Variants in MBOAT1 observed in about 807,000 individuals in gnomAD.
MBOAT1 encodes the protein membrane bound glycerophospholipid O-acyltransferase 1.
Under a neutral mutation model 64.4 loss-of-function variants are expected in MBOAT1, and 67 were observed. That is an observed-to-expected ratio of 1.04 (90% CI 0.85 to 1.27). The LOEUF is 1.27. Ranked by LOEUF, MBOAT1 falls within the 50% of genes most tolerant of loss-of-function variation. The pLI is 0.00. For synonymous variants in MBOAT1, 229 were observed against 218.9 expected, an observed-to-expected ratio of 1.05 and a Z score of -0.41; for missense variants, 563 against 604.6, an observed-to-expected ratio of 0.93 and a Z score of 0.72.
At chr6:20,124,934 A>G (rs917000463) in intron 7 of MBOAT1, among the ~76,000 whole-genome samples, 3 of 152,224 alleles carry the variant, frequency 2.0e-5, no homozygotes, top group African/African-American at 7.2e-5. Flanking sequence ...GTTTCCATCA[A>G]GAAAAACAAA....
chr6:20,166,911 C>T (rs1034228132), intron 1 of MBOAT1, among the ~76,000 whole-genome samples: 6 of 151,166 alleles, frequency 4.0e-5, no homozygotes, highest in African/African-American at 1.5e-4. Flanking sequence ...TGCACTCCAG[C>T]CTGGGTGACA....
chr6:20,164,136 T>C (rs376136426), intron 1 of MBOAT1, among the ~76,000 whole-genome samples: 1 of 150,366 alleles, frequency 6.7e-6, no homozygotes, highest in African/African-American at 2.4e-5. Flanking sequence ...CTATATATAA[T>C]ACAAATATAT....
intron 1 of MBOAT1, among the ~76,000 whole-genome samples, chr6:20,191,497 C>T (rs773325711): frequency 2.0e-5 from 3 of 152,224 alleles, no homozygotes; most frequent in Non-Finnish European, 2.9e-5. Flanking sequence ...CACTTTCCTT[C>T]GGCTACACCT....
intron 8 of MBOAT1, among the ~76,000 whole-genome samples, chr6:20,123,498 G>A (rs1470711648): frequency 2.6e-5 from 4 of 151,876 alleles, no homozygotes; most frequent in East Asian, 3.9e-4. Flanking sequence ...TGCAACTGCA[G>A]TCTAAAATTG....
intron 1 of MBOAT1, among the ~76,000 whole-genome samples, chr6:20,160,855 T>C (rs1454422992): frequency 1.3e-5 from 2 of 152,238 alleles, no homozygotes; most frequent in Non-Finnish European, 2.9e-5. Flanking sequence ...CCTCAGAATG[T>C]CAGCAGGAAG....
At chr6:20,127,864 C>A (rs916365315) in intron 6 of MBOAT1, among the ~76,000 whole-genome samples, 1 of 152,162 alleles carries the variant, frequency 6.6e-6, no homozygotes, top group African/African-American at 2.4e-5. Context: ...GAAAAACTGT[C>A]TTCCACTAAA....
intron 4 of MBOAT1, among the ~76,000 whole-genome samples, chr6:20,133,597 G>A (rs1760895528): frequency 6.6e-6 from 1 of 152,102 alleles, no homozygotes; most frequent in African/African-American, 2.4e-5. Context: ...CTAGGAACCA[G>A]CCTTCCTTAT....
At position 20,169,932 on chromosome 6, in the gene MBOAT1, A is replaced by T. The variant is rs189519937; in HGVS notation, c.100-17163T>A. On this transcript the variant is annotated intron_variant, in intron 1 of 12. Coordinates refer to ENST00000324607, the MANE Select transcript of MBOAT1 (RefSeq NM_001080480.3). ...CACAACTACTCCAGCCAAGTCATCG[A>T]CTATCTCCTTTCTTGCAAAGCCAAT... Among the ~76,000 whole-genome samples the T allele has an allele frequency of 3.3e-5, 5 of 152,292 alleles. No homozygotes were observed. In the East Asian group the frequency reaches 9.7e-4, roughly 29 times the overall value.
intron 1 of MBOAT1, among the ~76,000 whole-genome samples, chr6:20,186,407 C>T (rs942050165): frequency 1.3e-5 from 2 of 152,192 alleles, no homozygotes; most frequent in East Asian, 3.8e-4. Context: ...ACTTAAAAAC[C>T]CATGTGCCCT....
At chr6:20,109,057 G>T (rs1469219202) in intron 12 of MBOAT1, among the ~76,000 whole-genome samples, 1 of 152,188 alleles carries the variant, frequency 6.6e-6, no homozygotes, top group African/African-American at 2.4e-5. Context: ...AGGTTGGTCT[G>T]TGGTGCGAGC....
At chr6:20,110,028 G>A (rs1337172488) in intron 11 of MBOAT1, among the ~76,000 whole-genome samples, 2 of 148,380 alleles carry the variant, frequency 1.3e-5, no homozygotes, top group East Asian at 4.1e-4. Flanking sequence ...TCCTGCCTCA[G>A]CCTCCCAAGT....
chr6:20,122,217 T>C (rs548458031), intron 8 of MBOAT1, among the ~76,000 whole-genome samples: 251 of 152,256 alleles, frequency 1.6e-3, no homozygotes, highest in Non-Finnish European at 3.0e-3. Context: ...GTGATGTAAG[T>C]AGGCTTCCAA....
intron 1 of MBOAT1, among the ~76,000 whole-genome samples, chr6:20,172,894 G>A (rs919359332): frequency 1.3e-5 from 2 of 152,088 alleles, no homozygotes; most frequent in African/African-American, 4.8e-5. Context: ...GTAATCCCCA[G>A]TGTTGGAGGT....
chr6:20,165,762 AG>A (rs1762000514), intron 1 of MBOAT1, among the ~76,000 whole-genome samples: 3 of 151,176 alleles, frequency 2.0e-5, no homozygotes, highest in Non-Finnish European at 4.4e-5. Context: ...AAAAAAGAAT[AG>A]GGAAACCAGT....
At chr6:20,150,544 A>ATTTTCT (rs1392292658) in intron 3 of MBOAT1, among the ~76,000 whole-genome samples, 2 of 138,420 alleles carry the variant, frequency 1.4e-5, no homozygotes, top group Non-Finnish European at 3.1e-5. Context: ...ATCTTTCATT[A>ATTTTCT]TTTTCTTTTT....
rs889961423 is a variant in MBOAT1 at position 20,190,683 on chromosome 6, C to T, written c.99+21453G>A. 2.0e-5 allele frequency among the ~76,000 whole-genome samples: 3 copies of T among 151,566 alleles called. No homozygotes were observed. The South Asian group carries it at 6.2e-4, about 31-fold the overall frequency. On this transcript the variant is annotated intron_variant, in intron 1 of 12. Coordinates refer to ENST00000324607, the MANE Select transcript of MBOAT1 (RefSeq NM_001080480.3). ...AGGAATCTTTCTATCTTTAAGTGCC[C>T]ACTGAGAAAGGCCACTGCTTAAACC...
rs945264704 is a variant in MBOAT1 at position 20,102,070 on chromosome 6, C to T, written c.*216G>A. The T allele has an allele frequency of 3.4e-4, 76 of 223,842 alleles. 1 individual carries two copies. Among genetic ancestry groups the T allele is most frequent in the Admixed American group, 1.3e-3 (16 of 12,322 alleles). The allele number at this position is 223,842 out of a possible 1,614,324, so 13.9% of individuals were successfully genotyped here. On this transcript the variant is annotated 3_prime_UTR_variant, in exon 13 of 13. Coordinates refer to ENST00000324607, the MANE Select transcript of MBOAT1 (RefSeq NM_001080480.3). The stretch of plus-strand genomic sequence containing the variant: ...GCGGAGCTTGCAGTGAGCCGAGATC[C>T]CGCCACTGCACTCCAGCCTGGGCGA...
Position 20,212,449 on chromosome 6 carries a change from G to C in MBOAT1, c.-215C>G. 1 of 561,774 alleles carries C rather than the reference G, an allele frequency of 1.8e-6. No homozygotes were observed. The highest frequency in any genetic ancestry group is 2.1e-5 in the South Asian group (1 of 48,698). The allele number at this position is 561,774 out of a possible 1,614,324, so 34.8% of individuals were successfully genotyped here. The stretch of plus-strand genomic sequence containing the variant: ...ACTTGGCTTTGGCGCTGGCGCTGCA[G>C]CCACGGGCGCCGTAGGAGGGCCGGG... On this transcript the variant is annotated 5_prime_UTR_variant, in exon 1 of 13. Coordinates refer to ENST00000324607, the MANE Select transcript of MBOAT1 (RefSeq NM_001080480.3).
At chr6:20,201,241 C>A (rs1763115429) in intron 1 of MBOAT1, among the ~76,000 whole-genome samples, 1 of 152,108 alleles carries the variant, frequency 6.6e-6, no homozygotes, top group Non-Finnish European at 1.5e-5. Flanking sequence ...AGAAACAAAG[C>A]CTTCAGAAAA....
Sources: allele counts gnomAD v4.1 joint callset (sites outside exome capture counted in the v4.1 genomes callset), GRCh38; gene constraint gnomAD v4.1.1; transcripts MANE v1.5; gene names NCBI Gene and HGNC (gene_info 2026-07-23, HGNC 2026-07-21).